FGFR2: variants seen among roughly 807,000 people sequenced by gnomAD.
The protein encoded by FGFR2 is BEK fibroblast growth factor receptor.
FGFR2 carries 19 observed loss-of-function variants against 95.9 expected under a neutral mutation model. That is an observed-to-expected ratio of 0.20 (90% confidence interval 0.14 to 0.29). FGFR2 has a LOEUF of 0.29. FGFR2 is among the 10% of genes least tolerant of loss of function. The probability of loss-of-function intolerance (pLI) is 1.00; values close to 1 mark genes in which losing one functional copy is unlikely to be tolerated. For missense variants in FGFR2, 707 were observed against 1,056.9 expected, an observed-to-expected ratio of 0.67 and a Z score of 4.59; for synonymous variants, 392 against 393.3, an observed-to-expected ratio of 1.00 and a Z score of 0.04.
At chr10:121,516,336 G>A (rs1299009083) in intron 8 of FGFR2, among the ~76,000 whole-genome samples, 1 of 152,148 alleles carries the variant, frequency 6.6e-6, no homozygotes, top group African/African-American at 2.4e-5. Context: ...GAGCAGATTC[G>A]CAACAAAAGG....
rs948640552 is a variant in FGFR2, at chr10:121,563,318, G to A, written c.454+1184C>T. On this transcript the variant is annotated intron_variant, in intron 4 of 17. Transcript: ENST00000358487. ...GAACCTGGGAGGTGCAGGTTGCAGT[G>A]AGCCAAGATGGCGCCACTGCACTCC... Among the ~76,000 whole-genome samples the A allele has an allele frequency of 4.6e-5, 7 of 152,174 alleles. No homozygotes were observed. In the South Asian group the frequency reaches 1.5e-3, roughly 32 times the overall value.
Position 121,503,900 on chromosome 10 carries a change from C to T in FGFR2, c.1329G>A (p.Pro443=), listed in dbSNP as rs374423103. 1.6e-5 allele frequency: 26 copies of T among 1,613,886 alleles called. No individual in the cohort carries two copies. The highest frequency in any genetic ancestry group is 1.5e-4 in the South Asian group (14 of 91,078). The change falls in exon 10 of 18, where the codon CCG becomes CCA. Residue 443 remains proline (P), a synonymous_variant. Transcript: ENST00000358487. The part of the protein sequence containing the change: ...ESSSSMNSNT[P]LVRITTRLSS... ...AGAGGCGTGTTGTTATCCTCACCAG[C>T]GGGGTGTTGGAGTTCATGGAGGAGC...
intron 6 of FGFR2, among the ~76,000 whole-genome samples, chr10:121,524,146 A>ACACACACAC (rs142755962): frequency 1.5e-5 from 2 of 136,892 alleles, no homozygotes; most frequent in Admixed American, 7.2e-5. Context: ...ACACACACAC[A>ACACACACAC]CCCCAAGTTT....
rs968104963 is a variant in FGFR2 at position 121,478,348 on chromosome 10, C to T, written c.*1509G>A. On this transcript the variant is annotated 3_prime_UTR_variant, in exon 18 of 18. Coordinates refer to ENST00000358487, the MANE Select transcript of FGFR2 (RefSeq NM_000141.5). ...ACACGAGTATTAAAAAAATAAGTTG[C>T]GTGACATTTATTTTGTCTTGTTAAC... The T allele has an allele frequency of 1.6e-4, 38 of 230,622 alleles. No individual in the cohort carries two copies. Among genetic ancestry groups the T allele is most frequent in the Middle Eastern group, 1.3e-3 (1 of 790 alleles). The allele number at this position is 230,622 out of a possible 1,614,324, so 14.3% of individuals were successfully genotyped here.
At chr10:121,486,797 T>G (rs1845472615) in intron 15 of FGFR2, among the ~76,000 whole-genome samples, 1 of 152,208 alleles carries the variant, frequency 6.6e-6, no homozygotes, top group African/African-American at 2.4e-5. Flanking sequence ...CCCACTGGTT[T>G]TGTCAGTATA....
intron 8 of FGFR2, among the ~76,000 whole-genome samples, chr10:121,515,985 T>C (rs1170341495): frequency 4.6e-5 from 7 of 151,966 alleles, no homozygotes; most frequent in Non-Finnish European, 1.5e-5. Flanking sequence ...TTAATAACCT[T>C]TTAAGTTTAT....
chr10:121,527,918 G>T (rs567088828), intron 6 of FGFR2: 1 of 152,386 alleles, frequency 6.6e-6, no homozygotes, highest in South Asian at 2.1e-4. Flanking sequence ...TGCCATAGGG[G>T]TGCAACATCT....
chr10:121,584,293 T>C (rs896822682), intron 2 of FGFR2, among the ~76,000 whole-genome samples: 28 of 151,816 alleles, frequency 1.8e-4, no homozygotes, highest in African/African-American at 5.8e-4. Flanking sequence ...TACCATGTTA[T>C]GGAGCTCACC....
chr10:121,508,090 T>C (rs993322520), intron 9 of FGFR2, among the ~76,000 whole-genome samples: 1 of 152,188 alleles, frequency 6.6e-6, no homozygotes, highest in African/African-American at 2.4e-5. Context: ...ACTACACCAT[T>C]TTAAATAAAG....
intron 5 of FGFR2, among the ~76,000 whole-genome samples, chr10:121,540,741 T>C (rs1414108106): frequency 2.0e-5 from 3 of 152,194 alleles, no homozygotes; most frequent in Non-Finnish European, 4.4e-5. Flanking sequence ...CCAGCATTTA[T>C]CCCTGCTGTA....
intron 9 of FGFR2, among the ~76,000 whole-genome samples, chr10:121,514,389 A>G (rs1849418863): frequency 6.6e-6 from 1 of 152,156 alleles, no homozygotes; most frequent in African/African-American, 2.4e-5. Context: ...TCTCCCCCAA[A>G]GCAAAATTAA....
chr10:121,508,741 T>C (rs1848637081), intron 9 of FGFR2, among the ~76,000 whole-genome samples: 4 of 152,256 alleles, frequency 2.6e-5, no homozygotes, highest in Admixed American at 2.0e-4. Flanking sequence ...TGGAAAATAC[T>C]TTTATAAGAA....
At chr10:121,506,625 C>T (rs984677775) in intron 9 of FGFR2, among the ~76,000 whole-genome samples, 23 of 152,162 alleles carry the variant, frequency 1.5e-4, no homozygotes, top group Non-Finnish European at 2.8e-4. Context: ...GCTTCTGTGC[C>T]TCCTCCCTGA....
At chr10:121,568,707 G>A (rs892595105) in intron 2 of FGFR2, among the ~76,000 whole-genome samples, 2 of 152,184 alleles carry the variant, frequency 1.3e-5, no homozygotes, top group African/African-American at 4.8e-5. Flanking sequence ...GAGGAGTTAT[G>A]ATGTATGATT....
At position 121,531,039 on chromosome 10, in the gene FGFR2, T is replaced by G. The variant is rs1185480698; in HGVS notation, c.748+7553A>C. Among the ~76,000 whole-genome samples, 1 of 152,174 alleles carries G rather than the reference T, an allele frequency of 6.6e-6. No individual in the cohort carries two copies. Among genetic ancestry groups the G allele is most frequent in the African/African-American group, 2.4e-5 (1 of 41,454 alleles). On this transcript the variant is annotated intron_variant, in intron 6 of 17. Coordinates refer to ENST00000358487, the MANE Select transcript of FGFR2 (RefSeq NM_000141.5). The surrounding 1 kb of genome is among the most constrained non-coding windows in gnomAD (Gnocchi z 4.5). Reference sequence around the variant, plus strand: ...CACACCATAAATGAAATGCCAAGATTAAATGCCAGACCAAATATTAGCCCT... The same window carrying G: ...CACACCATAAATGAAATGCCAAGATGAAATGCCAGACCAAATATTAGCCCT...
rs909939890 is a variant in FGFR2 at position 121,565,667 on chromosome 10, C to T, written c.147G>A (p.Val49=). 4.3e-6 allele frequency: 7 copies of T among 1,614,114 alleles called. No homozygotes were observed. The African/African-American group carries it at 9.3e-5, about 22-fold the overall frequency. The change falls in exon 3 of 18, where the codon GTG becomes GTA. Residue 49 remains valine, a synonymous_variant. Coordinates refer to ENST00000358487, the MANE Select transcript of FGFR2 (RefSeq NM_000141.5). ...GCGACTCCCCTGGCGCAGCCACGTA[C>T]ACTTCTGGTTGAGAGATTTGGTATT... ...PTKYQISQPE[V]YVAAPGESLE... is the part of the protein sequence containing the mutation.
Position 121,498,907 on chromosome 10 carries a change from A to G in FGFR2, c.1562-302T>C, listed in dbSNP as rs41295641. Among the ~76,000 whole-genome samples, 31 of 152,266 alleles carry G rather than the reference A, an allele frequency of 2.0e-4. No individual in the cohort carries two copies. The East Asian group carries it at 5.8e-3, about 28-fold the overall frequency. On this transcript the variant is annotated intron_variant, in intron 11 of 17. Transcript: ENST00000358487. ...CCATGAGATAATCTCATCCTCTGCCATATCTAAGGCGTCTCAGAAAACCAC... is the reference window on the plus strand; with the variant it reads ...CCATGAGATAATCTCATCCTCTGCCGTATCTAAGGCGTCTCAGAAAACCAC...
intron 2 of FGFR2, among the ~76,000 whole-genome samples, chr10:121,574,961 G>A (rs1202083745): frequency 2.6e-5 from 4 of 152,164 alleles, no homozygotes; most frequent in South Asian, 2.1e-4. Context: ...GACACAAGTC[G>A]GGACTGAAAC....
In FGFR2 at chr10:121,565,611, G is replaced by A. The variant is rs537841180; in HGVS notation, c.203C>T (p.Ala68Val). 4.3e-6 allele frequency: 7 copies of A among 1,614,210 alleles called. No homozygotes were observed. The Admixed American group carries it at 1.0e-4, about 23-fold the overall frequency. Residue 68 changes from alanine (A) to valine (V), a missense_variant, in exon 3 of 18, where the codon GCC becomes GTC. By Grantham distance (64) the Ala-to-Val change is moderately conservative. Transcript: ENST00000358487. ...LEVRCLLKDA[A>V]VISWTKDGVH... is the part of the protein sequence containing the mutation. ...CCCATCCTTAGTCCAACTGATCACG[G>A]CGGCATCTTTCAACAGGCAGCGCAC...
Sources: allele counts gnomAD v4.1 joint callset (sites outside exome capture counted in the v4.1 genomes callset), GRCh38; gene constraint gnomAD v4.1.1; non-coding constraint Gnocchi (gnomAD v3.1); transcripts MANE v1.5; gene names NCBI Gene and HGNC (gene_info 2026-07-23, HGNC 2026-07-21).